The following KCNH8 variants were observed in gnomAD, a reference collection of about 807,000 sequenced individuals.
KCNH8 encodes voltage-gated delayed rectifier potassium channel KCNH8.
In KCNH8, 70 loss-of-function variants were observed where a neutral mutation model predicts 103.6. The observed-to-expected ratio is 0.68, with a 90% CI of 0.56 to 0.82. The LOEUF (loss-of-function observed/expected upper bound fraction) is 0.82. Among genes scored for constraint, KCNH8 ranks in the 40% least tolerant of loss-of-function variants. KCNH8 has a pLI of 0.00. For missense variants in KCNH8, 1,217 were observed against 1,329.9 expected (o/e 0.92, Z 1.32); for synonymous variants, 498 against 489.4 (o/e 1.02, Z -0.23).
At chr3:19,189,578 T>C (rs919466459) in intron 1 of KCNH8, among the ~76,000 whole-genome samples, 1 of 151,990 alleles carries the variant, frequency 6.6e-6, no homozygotes, top group Non-Finnish European at 1.5e-5. Context: ...AAATTTCTCA[T>C]TTAATATTCA....
intron 11 of KCNH8, among the ~76,000 whole-genome samples, chr3:19,473,854 A>G (rs2067914747): frequency 6.6e-6 from 1 of 152,106 alleles, no homozygotes; most frequent in Admixed American, 6.6e-5. Flanking sequence ...TTTCATTCAC[A>G]TTTTTCCGTC....
Position 19,501,009 on chromosome 3 carries a change from A to T in KCNH8, c.2041-9354A>T, listed in dbSNP as rs148569103. On this transcript the variant is annotated intron_variant, in intron 11 of 15. Transcript: ENST00000328405. ...AGGAGCTGGTTTTTTGAAAGGATCA[A>T]CAAAATTGACAGACCACTAGCAAGA... Among the ~76,000 whole-genome samples, 394 of 152,324 alleles carry T rather than the reference A, an allele frequency of 2.6e-3. 9 individuals are homozygous for T. The East Asian group carries it at 0.07, about 27-fold the overall frequency.
At chr3:19,397,268 G>A (rs1277535088) in intron 7 of KCNH8, among the ~76,000 whole-genome samples, 1 of 151,904 alleles carries the variant, frequency 6.6e-6, no homozygotes, top group African/African-American at 2.4e-5. Context: ...TTGTCATGAA[G>A]TAGTGGCAAG....
chr3:19,270,859 T>C (rs889256714), intron 2 of KCNH8, among the ~76,000 whole-genome samples: 1 of 151,142 alleles, frequency 6.6e-6, no homozygotes, highest in Non-Finnish European at 1.5e-5. Flanking sequence ...TCTTTTTACT[T>C]CTTTTCTTAT....
chr3:19,312,550 T>C (rs575159360), intron 3 of KCNH8, among the ~76,000 whole-genome samples: 2 of 152,056 alleles, frequency 1.3e-5, no homozygotes, highest in South Asian at 4.1e-4. Flanking sequence ...CCTGAATGTT[T>C]CTGAACCATC....
intron 7 of KCNH8, among the ~76,000 whole-genome samples, chr3:19,420,752 C>T (rs1005300468): frequency 1.7e-4 from 26 of 152,124 alleles, no homozygotes; most frequent in Admixed American, 4.6e-4. Context: ...CATAGTAATA[C>T]AAATATATCC....
intron 6 of KCNH8, among the ~76,000 whole-genome samples, chr3:19,394,570 G>A: frequency 6.6e-6 from 1 of 152,052 alleles, no homozygotes; most frequent in Non-Finnish European, 1.5e-5. Flanking sequence ...ACATGAGGCA[G>A]AAGATGCTAC....
Position 19,390,656 on chromosome 3 carries a change from C to T in KCNH8, c.969+18C>T, listed in dbSNP as rs776120644. ...TCACAGTGGTGAGTAAAGAGCTCCCCGCCACATGGCCTTTAAGGTTGATTT... is the reference window on the plus strand; with the variant it reads ...TCACAGTGGTGAGTAAAGAGCTCCCTGCCACATGGCCTTTAAGGTTGATTT... On this transcript the variant is annotated intron_variant, in intron 6 of 15. Coordinates refer to ENST00000328405, the MANE Select transcript of KCNH8 (RefSeq NM_144633.3). The T allele has an allele frequency of 8.1e-6, 13 of 1,601,436 alleles. No individual in the cohort carries two copies. Among genetic ancestry groups the T allele is most frequent in the Middle Eastern group, 1.7e-4 (1 of 5,994 alleles).
intron 1 of KCNH8, among the ~76,000 whole-genome samples, chr3:19,218,882 T>C (rs1013685737): frequency 1.3e-5 from 2 of 152,186 alleles, no homozygotes; most frequent in African/African-American, 4.8e-5. Context: ...TTCCTCTTTT[T>C]ATAAGGACAC....
At chr3:19,467,247 C>T (rs940996333) in intron 11 of KCNH8, among the ~76,000 whole-genome samples, 3 of 150,634 alleles carry the variant, frequency 2.0e-5, no homozygotes, top group Admixed American at 2.0e-4. Flanking sequence ...GTTAAAATAT[C>T]CTGAGGGAAA....
intron 11 of KCNH8, among the ~76,000 whole-genome samples, chr3:19,476,558 G>A (rs975869315): frequency 6.6e-6 from 1 of 152,042 alleles, no homozygotes. Flanking sequence ...GGGTCACTGG[G>A]GGGCATGGGA....
chr3:19,399,632 T>C (rs941388673), intron 7 of KCNH8, among the ~76,000 whole-genome samples: 1 of 151,902 alleles, frequency 6.6e-6, no homozygotes, highest in Admixed American at 6.6e-5. Flanking sequence ...TCACTTCACA[T>C]AGTATCTGGT....
intron 3 of KCNH8, among the ~76,000 whole-genome samples, chr3:19,310,994 AC>A (rs1038732772): frequency 6.6e-6 from 1 of 151,718 alleles, no homozygotes; most frequent in Non-Finnish European, 1.5e-5. Flanking sequence ...GCTCTTTCAT[AC>A]TGCTACACTT....
chr3:19,149,005 G>C lies in KCNH8; in HGVS notation c.76+210G>C, dbSNP rs542786222. 1.6e-4 allele frequency among the ~76,000 whole-genome samples: 25 copies of C among 152,206 alleles called. No homozygotes were observed. The South Asian group carries it at 3.7e-3, about 23-fold the overall frequency. On this transcript the variant is annotated intron_variant, in intron 1 of 15. Coordinates refer to ENST00000328405, the MANE Select transcript of KCNH8 (RefSeq NM_144633.3). ...TTGGTGTAATAGTTGGCTCTCTTGA[G>C]TTCTTGGGTTTGTTAAGGACTGAAA...
intron 1 of KCNH8, among the ~76,000 whole-genome samples, chr3:19,170,639 TATATATACACACAC>T (rs1159328977): frequency 0.012 from 1,718 of 138,586 alleles, 49 homozygotes; most frequent in African/African-American, 0.045. Flanking sequence ...TATACACACA[TATATATACACACAC>T]ATATATACAC....
chr3:19,519,899 A>G (rs1022937202), intron 15 of KCNH8, among the ~76,000 whole-genome samples: 1 of 151,886 alleles, frequency 6.6e-6, no homozygotes, highest in South Asian at 2.1e-4. Flanking sequence ...TCTGAGAAAA[A>G]ATATCTATAT....
chr3:19,253,823 A>G lies in KCNH8; in HGVS notation c.246A>G (p.Gln82=), dbSNP rs368719351. The stretch of plus-strand genomic sequence containing the variant: ...AAACCAATGAGCAACTGATGCTTCA[A>G]ATAGAAAAGTCACTGGAGGAGAAAA... ...GVETNEQLML[Q]IEKSLEEKTE... is the part of the protein sequence containing the mutation. The change falls in exon 2 of 16, where the codon CAA becomes CAG. Residue 82 remains glutamine, a synonymous_variant. Transcript: ENST00000328405. 31 of 1,613,792 alleles carry G rather than the reference A, an allele frequency of 1.9e-5. No individual in the cohort carries two copies. Among genetic ancestry groups the G allele is most frequent in the African/African-American group, 4.0e-5 (3 of 74,886 alleles).
At chr3:19,516,527 G>A (rs918154786) in intron 14 of KCNH8, among the ~76,000 whole-genome samples, 8 of 151,926 alleles carry the variant, frequency 5.3e-5, no homozygotes, top group Admixed American at 1.3e-4. Flanking sequence ...TCATCAAACT[G>A]GTATATTTGC....
chr3:19,274,278 A>G (rs942424826), intron 2 of KCNH8, among the ~76,000 whole-genome samples: 2 of 152,140 alleles, frequency 1.3e-5, no homozygotes, highest in African/African-American at 4.8e-5. Context: ...ATCAGTGGGA[A>G]ATTTAAATAT....
Sources: allele counts gnomAD v4.1 joint callset (sites outside exome capture counted in the v4.1 genomes callset), GRCh38; gene constraint gnomAD v4.1.1; transcripts MANE v1.5; gene names NCBI Gene and HGNC (gene_info 2026-07-23, HGNC 2026-07-21).